TSHZ2: variants seen among roughly 807,000 people sequenced by gnomAD.
TSHZ2 encodes teashirt zinc finger homeobox 2.
A neutral mutation model predicts 74.4 loss-of-function variants in TSHZ2; 21 were observed. The ratio of observed to expected loss-of-function variants is 0.28; its 90% CI spans 0.20 to 0.41. TSHZ2 has a LOEUF of 0.41. TSHZ2 is among the 10% of genes least tolerant of loss of function. TSHZ2 has a pLI of 1.00. For missense variants in TSHZ2, 1,244 were observed against 1,293.5 expected (o/e 0.96, Z 0.59); for synonymous variants, 540 against 515.3 (o/e 1.05, Z -0.65).
At chr20:53,405,587 G>T (rs1266091484) in intron 2 of TSHZ2, among the ~76,000 whole-genome samples, 1 of 152,172 alleles carries the variant, frequency 6.6e-6, no homozygotes, top group Non-Finnish European at 1.5e-5. Context: ...TGTTGCCAAG[G>T]TGCCAACATT....
intron 2 of TSHZ2, among the ~76,000 whole-genome samples, chr20:53,383,991 C>T (rs984016879): frequency 1.3e-5 from 2 of 152,192 alleles, no homozygotes; most frequent in African/African-American, 4.8e-5. Context: ...CCCAAACCCT[C>T]TTCCGGATGA....
intron 1 of TSHZ2, among the ~76,000 whole-genome samples, chr20:53,241,963 T>A (rs1370990845): frequency 6.6e-6 from 1 of 152,164 alleles, no homozygotes. Flanking sequence ...AAGTAATTGC[T>A]GTTTTTGCCA....
At chr20:53,056,166 T>C (rs1488626825) in intron 1 of TSHZ2, among the ~76,000 whole-genome samples, 1 of 152,238 alleles carries the variant, frequency 6.6e-6, no homozygotes, top group Non-Finnish European at 1.5e-5. Context: ...GTGAACTTAA[T>C]AAATTCCATG....
chr20:53,069,662 TACACACACACACACACACACACACAC>T lies in TSHZ2; in HGVS notation c.40+96352_40+96377del, dbSNP rs11471151. ...GCCTAGCAAAAGGTCAATGCTTTGA[TACACACACACACACACACACACACAC>T]ACACACACACACACACACACACGCT... On this transcript the variant is annotated intron_variant, in intron 1 of 2. Coordinates refer to ENST00000371497, the MANE Select transcript of TSHZ2 (RefSeq NM_173485.6). Among the ~76,000 whole-genome samples, 335 of 138,996 alleles carry T rather than the reference TACACACACACACACACACACACACAC, an allele frequency of 2.4e-3. 3 individuals carry two copies. Among genetic ancestry groups the T allele is most frequent in the African/African-American group, 8.5e-3 (313 of 36,734 alleles). 91.2% of individuals were successfully genotyped at this position (138,996 alleles called of 152,430 possible). A position where few individuals can be genotyped will look rare whatever the true frequency, so the allele number is the denominator to read the frequency against.
At chr20:53,336,838 A>G (rs982606721) in intron 2 of TSHZ2, among the ~76,000 whole-genome samples, 15 of 152,200 alleles carry the variant, frequency 9.9e-5, no homozygotes, top group African/African-American at 3.6e-4. Flanking sequence ...GTGTGCATAT[A>G]CGTATATGTG....
chr20:53,064,440 TTA>T (rs1314238391), intron 1 of TSHZ2, among the ~76,000 whole-genome samples: 2 of 152,158 alleles, frequency 1.3e-5, no homozygotes, highest in African/African-American at 2.4e-5. Context: ...TTTATTTTTT[TTA>T]TGTTACTGAA....
Position 53,332,204 on chromosome 20 carries a change from G to A in TSHZ2, c.*8+75633G>A, listed in dbSNP as rs534907049. 2.6e-5 allele frequency among the ~76,000 whole-genome samples: 4 copies of A among 152,156 alleles called. No homozygotes were observed. In the South Asian group the frequency reaches 8.3e-4, roughly 32 times the overall value. ...GCCTGAAGGCAAAACAAATCATCAT[G>A]ACTGAGCTAAAGCCATGAAGAGGCC... is the stretch of plus-strand genomic sequence containing the variant. On this transcript the variant is annotated intron_variant, in intron 2 of 2. Coordinates refer to ENST00000371497, the MANE Select transcript of TSHZ2 (RefSeq NM_173485.6).
At chr20:53,434,270 T>C (rs1303658693) in intron 2 of TSHZ2, among the ~76,000 whole-genome samples, 1 of 152,216 alleles carries the variant, frequency 6.6e-6, no homozygotes, top group Non-Finnish European at 1.5e-5. Flanking sequence ...GTGTTTCACA[T>C]ACATTATCTC....
At chr20:53,001,220 G>GTGTGTGTGTGTGTGTATA (rs1555813589) in intron 1 of TSHZ2, among the ~76,000 whole-genome samples, 169 of 146,390 alleles carry the variant, frequency 1.2e-3, no homozygotes, top group African/African-American at 4.1e-3. Flanking sequence ...GTGTGTGTGT[G>GTGTGTGTGTGTGTGTATA]TGTGTGTGTG....
chr20:53,161,860 C>T (rs1568789058), intron 1 of TSHZ2, among the ~76,000 whole-genome samples: 3 of 152,300 alleles, frequency 2.0e-5, no homozygotes, highest in South Asian at 4.1e-4. Context: ...AGAAATATCA[C>T]ACTTCTATAA....
At chr20:53,226,119 AACACACACACACACAC>A (rs11470731) in intron 1 of TSHZ2, among the ~76,000 whole-genome samples, 10 of 147,646 alleles carry the variant, frequency 6.8e-5, no homozygotes, top group Admixed American at 2.0e-4. Context: ...GACTAAATTT[AACACACACACACACAC>A]ACACACACAC....
At chr20:53,421,606 A>G in intron 2 of TSHZ2, 1 of 202,588 alleles carries the variant, frequency 4.9e-6, no homozygotes. Context: ...GCTTTGGGCC[A>G]GGAATGGCAA....
At chr20:53,484,466 A>T (rs1241715795) in intron 2 of TSHZ2, among the ~76,000 whole-genome samples, 8 of 149,108 alleles carry the variant, frequency 5.4e-5, no homozygotes, top group African/African-American at 2.0e-4. Context: ...GCTCACTACA[A>T]CCTCCGCCTC....
chr20:53,210,016 G>A (rs1189660437), intron 1 of TSHZ2, among the ~76,000 whole-genome samples: 2 of 152,234 alleles, frequency 1.3e-5, no homozygotes, highest in Middle Eastern at 3.2e-3. Context: ...TTGCCTTGAT[G>A]TAGCGTTAAG....
At chr20:53,079,098 G>A (rs938446856) in intron 1 of TSHZ2, among the ~76,000 whole-genome samples, 30 of 152,272 alleles carry the variant, frequency 2.0e-4, no homozygotes, top group African/African-American at 5.8e-4. Context: ...TTTGGAGAGC[G>A]TGGAAGACTA....
At position 53,075,709 on chromosome 20, in the gene TSHZ2, C is replaced by T. The variant is rs79638589; in HGVS notation, c.40+102376C>T. The stretch of plus-strand genomic sequence containing the variant: ...GGAAGGAGTAGGGTGATCACCAGCC[C>T]AGGCTGCTAGGAGACTGAGGGAGTT... On this transcript the variant is annotated intron_variant, in intron 1 of 2. Transcript: ENST00000371497. 8.7e-3 allele frequency among the ~76,000 whole-genome samples: 1,323 copies of T among 152,228 alleles called. 17 individuals are homozygous for T. Among genetic ancestry groups the T allele is most frequent in the African/African-American group, 0.03 (1,245 of 41,508 alleles).
intron 1 of TSHZ2, among the ~76,000 whole-genome samples, chr20:53,147,117 TA>T (rs1249756160): frequency 1.3e-5 from 2 of 152,248 alleles, no homozygotes; most frequent in Non-Finnish European, 2.9e-5. Context: ...TTTTGTTTTT[TA>T]TTCTTTGTGA....
chr20:53,046,636 T>TA lies in TSHZ2; in HGVS notation c.40+73311dup, dbSNP rs549549623. ...TTCTGCAAATGAGTTAGTATTTGAT[T>TA]AAAAAAAACAAAACAAAACAAAACC... is the stretch of plus-strand genomic sequence containing the variant. On this transcript the variant is annotated intron_variant, in intron 1 of 2. Coordinates refer to ENST00000371497, the MANE Select transcript of TSHZ2 (RefSeq NM_173485.6). Among the ~76,000 whole-genome samples, 52 of 151,756 alleles carry TA rather than the reference T, an allele frequency of 3.4e-4. No individual in the cohort carries two copies. The East Asian group carries it at 4.3e-3, about 12-fold the overall frequency.
intron 2 of TSHZ2, among the ~76,000 whole-genome samples, chr20:53,414,387 A>G (rs6123279): frequency 0.11 from 17,260 of 152,262 alleles, 1,343 homozygotes; most frequent in South Asian, 0.34. Context: ...TGGGAGGCCA[A>G]CGCAGAAGGA....
Sources: gnomAD v4.1 joint callset for allele counts (sites outside exome capture counted in the v4.1 genomes callset) on GRCh38, gnomAD v4.1.1 for gene constraint, MANE v1.5 for transcripts, NCBI Gene and HGNC (gene_info 2026-07-23, HGNC 2026-07-21) for gene names.